Variants in KCNMA1 observed in about 807,000 individuals in gnomAD.
The protein encoded by KCNMA1 is potassium calcium-activated channel subfamily M alpha 1.
In KCNMA1, 29 loss-of-function variants were observed where a neutral mutation model predicts 140.0. That is an observed-to-expected ratio of 0.21 (90% confidence interval 0.15 to 0.28). KCNMA1 has a LOEUF of 0.28. Among genes scored for constraint, KCNMA1 ranks in the 10% least tolerant of loss-of-function variants. The probability of loss-of-function intolerance (pLI) is 1.00; values close to 1 mark genes in which losing one functional copy is unlikely to be tolerated. For missense variants in KCNMA1, 880 were observed against 1,602.2 expected (o/e 0.55, Z 7.70); for synonymous variants, 612 against 611.9 (o/e 1.00, Z 0.00).
At chr10:77,302,983 G>T (rs2076895347) in intron 2 of KCNMA1, among the ~76,000 whole-genome samples, 1 of 152,124 alleles carries the variant, frequency 6.6e-6, no homozygotes, top group Admixed American at 6.6e-5. Flanking sequence ...CTAGGGATTT[G>T]TCTACCTCCT....
At chr10:77,322,592 T>C (rs2082681641) in intron 2 of KCNMA1, among the ~76,000 whole-genome samples, 1 of 152,134 alleles carries the variant, frequency 6.6e-6, no homozygotes, top group African/African-American at 2.4e-5. Context: ...TGGGTCACAT[T>C]GACATTTTGG....
At chr10:77,070,515 G>GT (rs2096155652) in intron 14 of KCNMA1, among the ~76,000 whole-genome samples, 1 of 152,090 alleles carries the variant, frequency 6.6e-6, no homozygotes, top group Non-Finnish European at 1.5e-5. Context: ...GTTCCCAAAG[G>GT]ATCAAGTGCT....
chr10:77,482,398 G>A (rs1423987677), intron 1 of KCNMA1, among the ~76,000 whole-genome samples: 1 of 152,214 alleles, frequency 6.6e-6, no homozygotes, highest in Non-Finnish European at 1.5e-5. Flanking sequence ...AGGAGGCTTA[G>A]GGCATCACAA....
intron 1 of KCNMA1, among the ~76,000 whole-genome samples, chr10:77,607,706 G>C (rs1408040429): frequency 6.6e-6 from 1 of 152,188 alleles, no homozygotes; most frequent in Non-Finnish European, 1.5e-5. Flanking sequence ...AAAACGACTT[G>C]CCCCTCAGAG....
intron 25 of KCNMA1, among the ~76,000 whole-genome samples, chr10:76,892,179 T>A (rs527697358): frequency 6.6e-6 from 1 of 152,302 alleles, no homozygotes; most frequent in Non-Finnish European, 1.5e-5. Flanking sequence ...CGGCAAAACC[T>A]TTCATTAATG....
At chr10:77,522,646 C>T (rs2053891900) in intron 1 of KCNMA1, among the ~76,000 whole-genome samples, 1 of 152,184 alleles carries the variant, frequency 6.6e-6, no homozygotes, top group Admixed American at 6.5e-5. Context: ...AGTTGTGGGA[C>T]CTAGCTCTGA....
chr10:77,310,710 G>A (rs900264903), intron 2 of KCNMA1, among the ~76,000 whole-genome samples: 7 of 152,248 alleles, frequency 4.6e-5, no homozygotes, highest in East Asian at 1.9e-4. Flanking sequence ...AATTGTTAGC[G>A]GAACAAGTTG....
intron 2 of KCNMA1, among the ~76,000 whole-genome samples, chr10:77,398,144 T>C (rs377220578): frequency 1.3e-5 from 2 of 152,060 alleles, no homozygotes; most frequent in Admixed American, 6.6e-5. Context: ...AGCTTTGCTA[T>C]TGTGAGTAGT....
At chr10:77,194,205 A>AAAAG (rs1262706464) in intron 3 of KCNMA1, among the ~76,000 whole-genome samples, 4 of 152,158 alleles carry the variant, frequency 2.6e-5, no homozygotes, top group African/African-American at 9.7e-5. Flanking sequence ...CTCCTAAGAG[A>AAAAG]AAAGAAGAGC....
intron 14 of KCNMA1, among the ~76,000 whole-genome samples, chr10:77,055,772 G>A (rs765874491): frequency 6.6e-6 from 1 of 152,078 alleles, no homozygotes; most frequent in Admixed American, 6.6e-5. Flanking sequence ...TAAAGCCTCA[G>A]CAGCCCTTCC....
chr10:77,129,529 AAAGAAC>A (rs1242881823), intron 5 of KCNMA1, among the ~76,000 whole-genome samples: 1 of 152,200 alleles, frequency 6.6e-6, no homozygotes, highest in African/African-American at 2.4e-5. Context: ...AATCAATTTT[AAAGAAC>A]ATACTGGCTA....
At chr10:77,557,544 C>T (rs912735700) in intron 1 of KCNMA1, among the ~76,000 whole-genome samples, 1 of 151,856 alleles carries the variant, frequency 6.6e-6, no homozygotes, top group Non-Finnish European at 1.5e-5. Context: ...CAGAAATGAA[C>T]AGAGGATATA....
chr10:76,965,528 C>T (rs181014445), intron 20 of KCNMA1, among the ~76,000 whole-genome samples: 56 of 152,226 alleles, frequency 3.7e-4, no homozygotes, highest in African/African-American at 1.1e-3. Context: ...TCAGGGGTTC[C>T]CTAATGCCTA....
rs542134546 is a variant in KCNMA1, at chr10:77,413,981, T to C, written c.379-9958A>G. On this transcript the variant is annotated intron_variant, in intron 1 of 27. Transcript: ENST00000286628. ...TCCACCATTGAGGCATTTTTAGCCA[T>C]TGCTTTCTGGGTGCCCTGTCCAGAT... Among the ~76,000 whole-genome samples, 251 of 152,336 alleles carry C rather than the reference T, an allele frequency of 1.6e-3. 1 individual carries two copies. Among genetic ancestry groups the C allele is most frequent in the African/African-American group, 5.7e-3 (236 of 41,576 alleles).
At chr10:77,261,194 G>A (rs1440546513) in intron 2 of KCNMA1, among the ~76,000 whole-genome samples, 1 of 152,042 alleles carries the variant, frequency 6.6e-6, no homozygotes, top group Non-Finnish European at 1.5e-5. Context: ...GAAACAACAG[G>A]GTTCCCTCTT....
At chr10:77,542,233 C>T (rs1309525328) in intron 1 of KCNMA1, among the ~76,000 whole-genome samples, 1 of 152,194 alleles carries the variant, frequency 6.6e-6, no homozygotes, top group Non-Finnish European at 1.5e-5. Context: ...CTACTGTTTG[C>T]AAATCACCCA....
At chr10:77,311,363 T>C (rs976783854) in intron 2 of KCNMA1, among the ~76,000 whole-genome samples, 2 of 152,180 alleles carry the variant, frequency 1.3e-5, no homozygotes, top group South Asian at 2.1e-4. Context: ...ACTCATACTA[T>C]AGGCTTGTTT....
intron 14 of KCNMA1, among the ~76,000 whole-genome samples, chr10:77,044,902 G>A (rs750060895): frequency 1.4e-4 from 21 of 152,032 alleles, no homozygotes; most frequent in Non-Finnish European, 2.5e-4. Flanking sequence ...TTAGGATTTC[G>A]GGGAATGGGG....
At chr10:76,987,270 A>G (rs1001832177) in intron 19 of KCNMA1, among the ~76,000 whole-genome samples, 1 of 152,200 alleles carries the variant, frequency 6.6e-6, no homozygotes, top group Non-Finnish European at 1.5e-5. Flanking sequence ...ACCTCAACAT[A>G]AAAACTGTCT....
Sources: gnomAD v4.1 joint callset for allele counts (sites outside exome capture counted in the v4.1 genomes callset) on GRCh38, gnomAD v4.1.1 for gene constraint, MANE v1.5 for transcripts, NCBI Gene and HGNC (gene_info 2026-07-23, HGNC 2026-07-21) for gene names.